The following HNRNPR variants were observed in gnomAD, a reference collection of about 807,000 sequenced individuals.
The protein encoded by HNRNPR is heterogeneous nuclear ribonucleoprotein R.
Under a neutral mutation model 70.3 loss-of-function variants are expected in HNRNPR, and 4 were observed. That is an observed-to-expected ratio of 0.06 (90% CI 0.03 to 0.13). The LOEUF (loss-of-function observed/expected upper bound fraction) is 0.13, where lower values mean the gene tolerates loss of function less well. Among genes scored for constraint, HNRNPR ranks in the 10% least tolerant of loss-of-function variants. The pLI is 1.00. For synonymous variants in HNRNPR, 241 were observed against 267.6 expected (o/e 0.90, Z 0.97); for missense variants, 423 against 788.5 (o/e 0.54, Z 5.55).
At chr1:23,342,435 T>C (rs1353784595) in intron 1 of HNRNPR, among the ~76,000 whole-genome samples, 2 of 152,208 alleles carry the variant, frequency 1.3e-5, no homozygotes, top group African/African-American at 4.8e-5. Flanking sequence ...TCGATAGCCC[T>C]TAATAGACGC....
intron 8 of HNRNPR, among the ~76,000 whole-genome samples, chr1:23,316,027 A>G (rs1242783474): frequency 1.3e-5 from 2 of 152,224 alleles, no homozygotes; most frequent in African/African-American, 4.8e-5. Context: ...TAAGAGACAT[A>G]TATTTAGGCT....
intron 8 of HNRNPR, among the ~76,000 whole-genome samples, chr1:23,314,172 T>C (rs185366848): frequency 2.0e-5 from 3 of 151,902 alleles, no homozygotes; most frequent in Admixed American, 2.0e-4. Context: ...AGTGTTAAAT[T>C]AGAAAAAAAG....
chr1:23,343,764 C>CCGCTCAGGATGCA (rs1646796170), intron 1 of HNRNPR, among the ~76,000 whole-genome samples: 2 of 152,234 alleles, frequency 1.3e-5, no homozygotes, highest in African/African-American at 4.8e-5. Flanking sequence ...GCCTTCCGCC[C>CCGCTCAGGATGCA]CCCACCCCCA....
At chr1:23,343,848 C>A (rs911563132) in intron 1 of HNRNPR, among the ~76,000 whole-genome samples, 1 of 152,166 alleles carries the variant, frequency 6.6e-6, no homozygotes, top group Admixed American at 6.6e-5. Context: ...CGAAGCGGCT[C>A]CGGCGGGGAG....
rs1179403142 is a variant in HNRNPR at position 23,318,991 on chromosome 1, C to T, written c.812-303G>A. Among the ~76,000 whole-genome samples the T allele has an allele frequency of 6.6e-6, 1 of 152,126 alleles. No homozygotes were observed. Among genetic ancestry groups the T allele is most frequent in the Non-Finnish European group, 1.5e-5 (1 of 68,004 alleles). ...GATATAACATGACTTTATTAAAGCA[C>T]TAACAAGGATCTTAAAAACAAAATT... On this transcript the variant is annotated intron_variant, in intron 7 of 10. Transcript: ENST00000302271. This position sits in a 1 kb window ranked among gnomAD's most constrained non-coding sequence, Gnocchi z 4.2.
chr1:23,340,036 C>CAA (rs36086561), intron 2 of HNRNPR, among the ~76,000 whole-genome samples: 47 of 123,214 alleles, frequency 3.8e-4, no homozygotes, highest in African/African-American at 1.2e-3. Context: ...TTTTTAAGGA[C>CAA]AAAAAAAAAA....
rs560725429 is a variant in HNRNPR, at chr1:23,318,208, C to G, written c.1017+275G>C. ...CCTCTATCCCTCACAGTGCCTAGCA[C>G]TAAACAAACACCCAGTGTGTATGGG... is the stretch of plus-strand genomic sequence containing the variant. On this transcript the variant is annotated intron_variant, in intron 8 of 10. Coordinates refer to ENST00000302271, the MANE Select transcript of HNRNPR (RefSeq NM_005826.5). This position sits in a 1 kb window ranked among gnomAD's most constrained non-coding sequence, Gnocchi z 4.2. 6.6e-6 allele frequency among the ~76,000 whole-genome samples: 1 copy of G among 150,530 alleles called. No homozygotes were observed. Among genetic ancestry groups the G allele is most frequent in the South Asian group, 2.1e-4 (1 of 4,788 alleles).
At chr1:23,332,097 A>G (rs191900284) in intron 5 of HNRNPR, among the ~76,000 whole-genome samples, 282 of 152,036 alleles carry the variant, frequency 1.9e-3, no homozygotes, top group African/African-American at 6.6e-3. Context: ...CCACCACTGC[A>G]CTCCAGCCTG....
chr1:23,321,997 G>A (rs1201876045), intron 6 of HNRNPR, among the ~76,000 whole-genome samples: 1 of 151,970 alleles, frequency 6.6e-6, no homozygotes, highest in African/African-American at 2.4e-5. Context: ...ATCATTCAGG[G>A]TCCTTGGAAA....
In HNRNPR at chr1:23,338,622, T is replaced by C. The variant is rs760533620; in HGVS notation, c.158-14A>G. Reference sequence around the variant, plus strand: ...AAGCTACCAATCCTAAAAATTAAATTGAAAGGGGTAACGTTATTGCAACAA... The same window carrying C: ...AAGCTACCAATCCTAAAAATTAAATCGAAAGGGGTAACGTTATTGCAACAA... On this transcript the variant is annotated splice_polypyrimidine_tract_variant and intron_variant, in intron 2 of 10. Transcript: ENST00000302271. The C allele has an allele frequency of 1.5e-6, 2 of 1,359,102 alleles. No homozygotes were observed. Among genetic ancestry groups the C allele is most frequent in the African/African-American group, 1.5e-5 (1 of 68,672 alleles). 84.2% of individuals were successfully genotyped at this position (1,359,102 alleles called of 1,614,324 possible).
At chr1:23,331,834 TAA>T (rs59006948) in intron 5 of HNRNPR, among the ~76,000 whole-genome samples, 2,370 of 59,078 alleles carry the variant, frequency 0.04, 140 homozygotes, top group African/African-American at 0.1. Flanking sequence ...ACTGTTTCTT[TAA>T]AAAAAAAAAA....
intron 9 of HNRNPR, among the ~76,000 whole-genome samples, chr1:23,312,820 T>TAATAACATA (rs766074630): frequency 2.0e-5 from 3 of 152,100 alleles, no homozygotes; most frequent in Non-Finnish European, 4.4e-5. Context: ...TCTATCTTCC[T>TAATAACATA]AATAACATAA....
chr1:23,309,095 T>C lies in HNRNPR; in HGVS notation c.*1359A>G, dbSNP rs1161865185. On this transcript the variant is annotated 3_prime_UTR_variant, in exon 11 of 11. Coordinates refer to ENST00000302271, the MANE Select transcript of HNRNPR (RefSeq NM_005826.5). ...TTTCTAAAGGAAATAGGGAAATAGA[T>C]GTTATGTCTTGGCCAACAAAAAATT... is the stretch of plus-strand genomic sequence containing the variant. The C allele has an allele frequency of 1.3e-5, 2 of 152,086 alleles. No individual in the cohort carries two copies. The highest frequency in any genetic ancestry group is 4.8e-5 in the African/African-American group (2 of 41,440). 9.4% of individuals were successfully genotyped at this position (152,086 alleles called of 1,614,324 possible).
intron 5 of HNRNPR, among the ~76,000 whole-genome samples, chr1:23,330,649 A>C (rs929674230): frequency 2.0e-5 from 3 of 152,232 alleles, no homozygotes; most frequent in African/African-American, 7.2e-5. Flanking sequence ...ACACTAAAAA[A>C]TATATTTCAA....
intron 5 of HNRNPR, among the ~76,000 whole-genome samples, chr1:23,326,342 A>G (rs1439108153): frequency 6.6e-6 from 1 of 152,164 alleles, no homozygotes; most frequent in Non-Finnish European, 1.5e-5. Flanking sequence ...GATTTAAGTG[A>G]TGTCCCTGCA....
chr1:23,325,094 C>G (rs187475298), intron 5 of HNRNPR, among the ~76,000 whole-genome samples: 2 of 151,872 alleles, frequency 1.3e-5, no homozygotes, highest in Admixed American at 6.6e-5. Flanking sequence ...GAGCCGAGAT[C>G]GCGCCACTAC....
chr1:23,323,412 A>T, intron 6 of HNRNPR, 144 bp downstream of exon 6: 1 of 639,314 alleles, frequency 1.6e-6, no homozygotes, highest in South Asian at 3.1e-5. Context: ...AGAAAAATAA[A>T]CGTCACATAC....
chr1:23,306,703 CAAT>C lies in HNRNPR; in HGVS notation c.*3748_*3750del, dbSNP rs1645207592. The C allele has an allele frequency of 2.0e-5, 3 of 152,168 alleles. No homozygotes were observed. Among genetic ancestry groups the C allele is most frequent in the East Asian group, 1.9e-4 (1 of 5,186 alleles). 9.4% of individuals were successfully genotyped at this position (152,168 alleles called of 1,614,324 possible). On this transcript the variant is annotated 3_prime_UTR_variant, in exon 11 of 11. Transcript: ENST00000302271. ...AAAAAAACTTTTCTAGAAGGATTAA[CAAT>C]AATTAACTTCAAATTAAATATTATT...
At position 23,308,153 on chromosome 1, in the gene HNRNPR, A is replaced by G. The variant is rs1645232165; in HGVS notation, c.*2301T>C. The G allele has an allele frequency of 6.6e-6, 1 of 152,054 alleles. No individual in the cohort carries two copies. Among genetic ancestry groups the G allele is most frequent in the Non-Finnish European group, 1.5e-5 (1 of 67,912 alleles). 9.4% of individuals were successfully genotyped at this position (152,054 alleles called of 1,614,324 possible). Reference sequence around the variant, plus strand: ...ACAAAACCTATAAACCAAATATTAGAGGGTACCTCTGCAAATATATTTTTA... The same window carrying G: ...ACAAAACCTATAAACCAAATATTAGGGGGTACCTCTGCAAATATATTTTTA... On this transcript the variant is annotated 3_prime_UTR_variant, in exon 11 of 11. Transcript: ENST00000302271.
Sources: allele counts gnomAD v4.1 joint callset (sites outside exome capture counted in the v4.1 genomes callset), GRCh38; gene constraint gnomAD v4.1.1; non-coding constraint Gnocchi (gnomAD v3.1); transcripts MANE v1.5; gene names NCBI Gene and HGNC (gene_info 2026-07-23, HGNC 2026-07-21).